Variants in SEMA6D observed in about 807,000 individuals in gnomAD.
SEMA6D encodes the protein semaphorin-6D.
SEMA6D carries 35 observed loss-of-function variants against 106.6 expected under a neutral mutation model. That is an observed-to-expected ratio of 0.33 (90% CI 0.25 to 0.44). The LOEUF is 0.44. Ranked by LOEUF, SEMA6D falls within the 20% of genes least tolerant of loss-of-function variation. The pLI, the probability that SEMA6D is intolerant of heterozygous loss-of-function variation, is 1.00. For missense variants in SEMA6D, 1,185 were observed against 1,345.9 expected (o/e 0.88, Z 1.87); for synonymous variants, 499 against 487.7 (o/e 1.02, Z -0.31).
intron 2 of SEMA6D, among the ~76,000 whole-genome samples, chr15:47,466,128 A>G (rs1429981166): frequency 6.6e-6 from 1 of 152,198 alleles, no homozygotes; most frequent in Admixed American, 6.5e-5. Flanking sequence ...TAAGATGTTC[A>G]TCACCTCACA....
chr15:47,518,511 C>G (rs144289134), intron 3 of SEMA6D, among the ~76,000 whole-genome samples: 45 of 152,250 alleles, frequency 3.0e-4, no homozygotes, highest in African/African-American at 9.9e-4. Flanking sequence ...TGGTATAGCC[C>G]ATTGCTCCTC....
intron 4 of SEMA6D, among the ~76,000 whole-genome samples, chr15:47,649,148 A>G (rs902402295): frequency 6.6e-6 from 1 of 152,198 alleles, no homozygotes; most frequent in Non-Finnish European, 1.5e-5. Context: ...TTATAATGGC[A>G]TAAGGAAGAG....
intron 1 of SEMA6D, among the ~76,000 whole-genome samples, chr15:47,753,168 A>G (rs1289522557): frequency 2.0e-5 from 3 of 152,178 alleles, no homozygotes; most frequent in Non-Finnish European, 2.9e-5. Context: ...ATAGCAGATC[A>G]GGGCCTTGAG....
intron 1 of SEMA6D, among the ~76,000 whole-genome samples, chr15:47,757,153 G>A (rs1457716792): frequency 6.6e-6 from 1 of 152,202 alleles, no homozygotes; most frequent in East Asian, 1.9e-4. Flanking sequence ...CCTGGTGAGG[G>A]CTCCTCCCCG....
chr15:47,448,562 G>A (rs1234251867), intron 2 of SEMA6D, among the ~76,000 whole-genome samples: 1 of 152,126 alleles, frequency 6.6e-6, no homozygotes, highest in African/African-American at 2.4e-5. Flanking sequence ...ATGGTTGGAT[G>A]AATCTATTTA....
intron 2 of SEMA6D, among the ~76,000 whole-genome samples, chr15:47,427,852 G>C (rs2041391492): frequency 6.6e-6 from 1 of 151,924 alleles, no homozygotes. Flanking sequence ...TATCCTATTG[G>C]AACCCTTCTT....
intron 1 of SEMA6D, among the ~76,000 whole-genome samples, chr15:47,410,926 T>C (rs1338951564): frequency 6.6e-6 from 1 of 152,152 alleles, no homozygotes; most frequent in Non-Finnish European, 1.5e-5. Flanking sequence ...AATACAGGTA[T>C]GGAAAACATA....
chr15:47,768,280 G>T (rs903158040), intron 17 of SEMA6D, among the ~76,000 whole-genome samples: 1 of 152,150 alleles, frequency 6.6e-6, no homozygotes, highest in African/African-American at 2.4e-5. Flanking sequence ...CAACTAATCT[G>T]CCCTGGGAAT....
intron 4 of SEMA6D, among the ~76,000 whole-genome samples, chr15:47,652,836 C>G (rs2077719611): frequency 6.6e-6 from 1 of 152,216 alleles, no homozygotes; most frequent in African/African-American, 2.4e-5. Context: ...TAGATAGACA[C>G]TCATAAAGCT....
At chr15:47,735,006 T>C (rs1345159092) in intron 1 of SEMA6D, among the ~76,000 whole-genome samples, 2 of 152,182 alleles carry the variant, frequency 1.3e-5, no homozygotes, top group Admixed American at 6.5e-5. Flanking sequence ...GATTTTATGC[T>C]AATTTCCCAG....
chr15:47,384,028 T>C (rs2039733065), intron 1 of SEMA6D, among the ~76,000 whole-genome samples: 2 of 152,188 alleles, frequency 1.3e-5, no homozygotes, highest in African/African-American at 2.4e-5. Context: ...TTATACCCAG[T>C]TTAATTTTTG....
At chr15:47,261,737 A>AT (rs944765956) in intron 1 of SEMA6D, among the ~76,000 whole-genome samples, 18 of 152,052 alleles carry the variant, frequency 1.2e-4, no homozygotes, top group Admixed American at 2.6e-4. Context: ...GGATGTGCCT[A>AT]TTTTTTACAT....
chr15:47,218,569 T>C (rs1049047338), intron 1 of SEMA6D, among the ~76,000 whole-genome samples: 1 of 152,202 alleles, frequency 6.6e-6, no homozygotes, highest in Non-Finnish European at 1.5e-5. Flanking sequence ...TTTTGCCTAT[T>C]ATCTACAACT....
intron 2 of SEMA6D, among the ~76,000 whole-genome samples, chr15:47,452,319 C>T (rs1045604781): frequency 9.5e-5 from 14 of 146,644 alleles, no homozygotes; most frequent in Non-Finnish European, 3.0e-5. Context: ...TGTTTATCAA[C>T]CAAAAAAAAA....
chr15:47,482,098 T>C, intron 3 of SEMA6D, among the ~76,000 whole-genome samples: 1 of 152,062 alleles, frequency 6.6e-6, no homozygotes, highest in Non-Finnish European at 1.5e-5. Context: ...AAACAAATGA[T>C]TAAGTCTCTA....
At chr15:47,191,542 G>A (rs1003185646) in intron 1 of SEMA6D, among the ~76,000 whole-genome samples, 1 of 152,090 alleles carries the variant, frequency 6.6e-6, no homozygotes, top group African/African-American at 2.4e-5. Flanking sequence ...TTTTGATTAG[G>A]AAACCTCACT....
In SEMA6D at chr15:47,317,615, G is replaced by T. The variant is rs1424049855; in HGVS notation, c.-238-94778G>T. Among the ~76,000 whole-genome samples, 4 of 152,052 alleles carry T rather than the reference G, an allele frequency of 2.6e-5. No individual in the cohort carries two copies. In the East Asian group the frequency reaches 7.7e-4, roughly 29 times the overall value. On this transcript the variant is annotated intron_variant, in intron 1 of 19. Transcript: ENST00000558014. ...TCTTACACTTTTGAAGAATAATTTTGCAGGGTACAGAATTCTAAGGTGGTT... is the reference window on the plus strand; with the variant it reads ...TCTTACACTTTTGAAGAATAATTTTTCAGGGTACAGAATTCTAAGGTGGTT...
intron 4 of SEMA6D, among the ~76,000 whole-genome samples, chr15:47,691,621 G>A (rs2078587928): frequency 6.6e-6 from 1 of 152,126 alleles, no homozygotes; most frequent in Admixed American, 6.5e-5. Context: ...TTCCATGTAA[G>A]GCCAGACCAA....
At chr15:47,499,140 G>A (rs768756726) in intron 3 of SEMA6D, among the ~76,000 whole-genome samples, 3 of 152,102 alleles carry the variant, frequency 2.0e-5, no homozygotes, top group African/African-American at 2.4e-5. Context: ...ACTTTCAGAC[G>A]AGGAGACTGA....
Sources: gnomAD v4.1 joint callset for allele counts (sites outside exome capture counted in the v4.1 genomes callset) on GRCh38, gnomAD v4.1.1 for gene constraint, MANE v1.5 for transcripts, NCBI Gene and HGNC (gene_info 2026-07-23, HGNC 2026-07-21) for gene names.